Variants in MTAP observed in about 807,000 individuals in gnomAD.
The protein encoded by MTAP is methylthioadenosine phosphorylase, also known as S-methyl-5'-thioadenosine phosphorylase.
MTAP carries 33 observed loss-of-function variants against 33.6 expected under a neutral mutation model. The ratio of observed to expected loss-of-function variants is 0.98; its 90% CI spans 0.74 to 1.31. The LOEUF (loss-of-function observed/expected upper bound fraction) is 1.31, where lower values mean the gene tolerates loss of function less well. Among genes scored for constraint, MTAP ranks in the 40% most tolerant of loss-of-function variants. MTAP has a pLI of 0.00. For missense variants in MTAP, 367 were observed against 360.0 expected (o/e 1.02, Z -0.16); for synonymous variants, 148 against 125.7 (o/e 1.18, Z -1.19).
At chr9:21,915,464 C>T (rs781564997) in intron 1 of MTAP, among the ~76,000 whole-genome samples, 4 of 151,988 alleles carry the variant, frequency 2.6e-5, no homozygotes, top group African/African-American at 7.3e-5. Flanking sequence ...TCATTTGTCA[C>T]CTGGATTGTT....
At chr9:21,844,653 G>C (rs1037504188) in intron 5 of MTAP, among the ~76,000 whole-genome samples, 1 of 152,246 alleles carries the variant, frequency 6.6e-6, no homozygotes, top group Non-Finnish European at 1.5e-5. Flanking sequence ...AATAGATGCA[G>C]AAAAAGCATT....
intron 1 of MTAP, chr9:21,803,507 T>C (rs1236720088): frequency 6.6e-6 from 1 of 152,258 alleles, no homozygotes; most frequent in Non-Finnish European, 1.5e-5. Context: ...TCAATTTCCT[T>C]GTGCCCTAGG....
chr9:21,919,019 A>G (rs1287148829), intron 1 of MTAP, among the ~76,000 whole-genome samples: 1 of 152,234 alleles, frequency 6.6e-6, no homozygotes, highest in South Asian at 2.1e-4. Flanking sequence ...TTGATGGTCC[A>G]TCAAACACTA....
At chr9:21,906,992 A>T (rs1818487555) in intron 1 of MTAP, among the ~76,000 whole-genome samples, 1 of 152,224 alleles carries the variant, frequency 6.6e-6, no homozygotes, top group Non-Finnish European at 1.5e-5. Flanking sequence ...TCTAAACTGT[A>T]TGTCATAGTT....
chr9:21,913,408 A>G (rs905079075), intron 1 of MTAP, among the ~76,000 whole-genome samples: 1 of 152,234 alleles, frequency 6.6e-6, no homozygotes, highest in Non-Finnish European at 1.5e-5. Context: ...CCAAAACAGC[A>G]TGGTACTGGT....
intron 4 of MTAP, among the ~76,000 whole-genome samples, chr9:21,832,564 A>G (rs1022557634): frequency 2.0e-5 from 3 of 151,884 alleles, no homozygotes; most frequent in Non-Finnish European, 4.4e-5. Flanking sequence ...ACCTTCCTTC[A>G]CCTTCCCTTT....
Position 21,846,067 on chromosome 9 carries a change from G to C in MTAP, c.450+8057G>C, listed in dbSNP as rs184320931. On this transcript the variant is annotated intron_variant, in intron 5 of 7. Coordinates refer to ENST00000644715, the MANE Select transcript of MTAP (RefSeq NM_002451.4). ...CAGGATAATTGGCAAGCCAGATGTAGAAGAATGAAACTGGATCTTCATCTC... is the reference window on the plus strand; with the variant it reads ...CAGGATAATTGGCAAGCCAGATGTACAAGAATGAAACTGGATCTTCATCTC... Among the ~76,000 whole-genome samples the C allele has an allele frequency of 2.0e-5, 3 of 152,306 alleles. No individual in the cohort carries two copies. In the East Asian group the frequency reaches 5.8e-4, roughly 29 times the overall value.
intron 5 of MTAP, among the ~76,000 whole-genome samples, chr9:21,843,781 C>G (rs1825310986): frequency 6.6e-6 from 1 of 152,076 alleles, no homozygotes; most frequent in South Asian, 2.1e-4. Context: ...CATTAAATTC[C>G]TACATCAAAA....
chr9:21,808,210 A>G (rs1460827434), intron 1 of MTAP, among the ~76,000 whole-genome samples: 3 of 152,218 alleles, frequency 2.0e-5, no homozygotes, highest in Non-Finnish European at 4.4e-5. Context: ...GTGGCCATCT[A>G]CATTTTTAAC....
At chr9:21,904,357 C>G (rs982465950) in intron 1 of MTAP, among the ~76,000 whole-genome samples, 2 of 152,290 alleles carry the variant, frequency 1.3e-5, no homozygotes, top group East Asian at 3.9e-4. Flanking sequence ...CTGTCCTCGC[C>G]CAGGTCATTG....
chr9:21,900,922 A>G (rs1818381175), intron 1 of MTAP, among the ~76,000 whole-genome samples: 1 of 152,208 alleles, frequency 6.6e-6, no homozygotes, highest in Admixed American at 6.5e-5. Context: ...AAGAACAGAA[A>G]ACCAAATACC....
chr9:21,856,898 A>G (rs777631424), intron 6 of MTAP, among the ~76,000 whole-genome samples: 4 of 152,244 alleles, frequency 2.6e-5, no homozygotes, highest in Admixed American at 6.5e-5. Context: ...ACTCTTCTGT[A>G]GAATGAAGCC....
chr9:21,811,645 C>A, intron 1 of MTAP: 1 of 520,934 alleles, frequency 1.9e-6, no homozygotes. Flanking sequence ...CCTTGGCTCA[C>A]TCAAACTCTT....
chr9:21,818,210 G>T lies in MTAP; in HGVS notation c.347+8G>T. The T allele has an allele frequency of 6.4e-7, 1 of 1,570,400 alleles. No individual in the cohort carries two copies. Among genetic ancestry groups the T allele is most frequent in the Non-Finnish European group, 8.7e-7 (1 of 1,152,318 alleles). On this transcript the variant is annotated splice_region_variant and intron_variant, in intron 4 of 7. Coordinates refer to ENST00000644715, the MANE Select transcript of MTAP (RefSeq NM_002451.4). Reference sequence around the variant, plus strand: ...TGATCAGTTCATTGACAGGTAAGCAGTCATACAAAATGCTTTAGGCTATTG... The same window carrying T: ...TGATCAGTTCATTGACAGGTAAGCATTCATACAAAATGCTTTAGGCTATTG...
At chr9:21,874,081 A>G (rs567730985) in intron 1 of MTAP, among the ~76,000 whole-genome samples, 2 of 152,272 alleles carry the variant, frequency 1.3e-5, no homozygotes, top group Non-Finnish European at 2.9e-5. Flanking sequence ...TTAGTTTACG[A>G]ATTCCCACCC....
chr9:21,918,073 C>CGATGGGGGAGGTTTGGAGGGGTTAA (rs1818720264), intron 1 of MTAP, among the ~76,000 whole-genome samples: 12 of 115,858 alleles, frequency 1.0e-4, no homozygotes, highest in African/African-American at 5.1e-4. Flanking sequence ...ATTAATGGGC[C>CGATGGGGGAGGTTTGGAGGGGTTAA]GGGCGCGGTG....
chr9:21,807,447 A>AT (rs980701594), intron 1 of MTAP, among the ~76,000 whole-genome samples: 73 of 151,934 alleles, frequency 4.8e-4, no homozygotes, highest in African/African-American at 1.5e-3. Context: ...ACAAGCCTTC[A>AT]TTTTTTTTGC....
chr9:21,856,929 G>C (rs1034699341), intron 6 of MTAP, among the ~76,000 whole-genome samples: 2 of 152,174 alleles, frequency 1.3e-5, no homozygotes, highest in African/African-American at 4.8e-5. Flanking sequence ...GTGAGGAGTG[G>C]AGGTTGTTTA....
At chr9:21,824,168 G>T (rs1037638535) in intron 4 of MTAP, among the ~76,000 whole-genome samples, 1 of 152,220 alleles carries the variant, frequency 6.6e-6, no homozygotes, top group African/African-American at 2.4e-5. Flanking sequence ...TTTGGAGGGG[G>T]AGAGGTGCTC....
Sources: gnomAD v4.1 joint callset for allele counts (sites outside exome capture counted in the v4.1 genomes callset) on GRCh38, gnomAD v4.1.1 for gene constraint, MANE v1.5 for transcripts, NCBI Gene and HGNC (gene_info 2026-07-23, HGNC 2026-07-21) for gene names.